TENT5D: variants seen among roughly 807,000 people sequenced by gnomAD.
The protein encoded by TENT5D is cancer/testis antigen 112.
For synonymous variants in TENT5D, 103 were observed against 100.6 expected (o/e 1.02, Z -0.15); for missense variants, 191 against 287.0 (o/e 0.67, Z 2.42).
chrX:80,386,127 T>C (rs1304016824), intron 3 of TENT5D, among the ~76,000 whole-genome samples: 1 of 112,242 alleles, frequency 8.9e-6, no homozygotes, highest in Non-Finnish European at 1.9e-5. Context: ...TGCACACATA[T>C]ATTTATTGCA....
At position 80,400,679 on chromosome X, in the gene TENT5D, T is replaced by C. The variant is rs1931374688; in HGVS notation, c.-141-37931T>C. Among the ~76,000 whole-genome samples the C allele has an allele frequency of 3.6e-5, 4 of 112,035 alleles. No individual in the cohort carries two copies. The South Asian group carries it at 1.5e-3, about 42-fold the overall frequency. ...ATAATCTTTTGTGTTTGTGATTTTC[T>C]GGATTTGATGTTAGGGATTTTTAGA... is the stretch of plus-strand genomic sequence containing the variant. On this transcript the variant is annotated intron_variant, in intron 3 of 4. Transcript: ENST00000538312.
intron 3 of TENT5D, among the ~76,000 whole-genome samples, chrX:80,386,411 T>A (rs1931009315): frequency 9.2e-6 from 1 of 108,648 alleles, no homozygotes; most frequent in Non-Finnish European, 1.9e-5. Flanking sequence ...TGTTGTGGGG[T>A]GGGAGGAGTG....
At chrX:80,393,934 C>T (rs1055146115) in intron 3 of TENT5D, among the ~76,000 whole-genome samples, 8 of 111,607 alleles carry the variant, frequency 7.2e-5, no homozygotes, top group African/African-American at 2.0e-4. Flanking sequence ...TTATATATAC[C>T]ATATTTTTTA....
intron 2 of TENT5D, among the ~76,000 whole-genome samples, chrX:80,341,466 CTATGGGTCTGATCCAAAATGGCTTTTAT>C (rs1382785625): frequency 9.0e-6 from 1 of 111,548 alleles, no homozygotes; most frequent in Non-Finnish European, 1.9e-5. Context: ...GCTGGATAGA[CTATGGGTCTGATCCAAAATGGCTTTTAT>C]TATGTTCTTG....
chrX:80,358,405 G>C (rs987415914), intron 3 of TENT5D, among the ~76,000 whole-genome samples: 18 of 111,590 alleles, frequency 1.6e-4, no homozygotes, highest in Non-Finnish European at 2.5e-4. Context: ...AAAATTTTTG[G>C]AAATGTAGAA....
At chrX:80,383,114 C>T (rs183355228) in intron 3 of TENT5D, among the ~76,000 whole-genome samples, 11 of 112,404 alleles carry the variant, frequency 9.8e-5, no homozygotes, top group East Asian at 5.6e-4. Flanking sequence ...TGTTCCTATT[C>T]GGCCATCTTG....
chrX:80,409,778 C>T (rs1235671358), intron 3 of TENT5D, among the ~76,000 whole-genome samples: 4 of 104,475 alleles, frequency 3.8e-5, no homozygotes, highest in African/African-American at 1.1e-4. Flanking sequence ...AAAAAGAGCC[C>T]GCATCGCCAA....
At chrX:80,432,004 C>T (rs1932098732) in intron 1 of TENT5D, among the ~76,000 whole-genome samples, 1 of 110,225 alleles carries the variant, frequency 9.1e-6, no homozygotes, top group Non-Finnish European at 1.9e-5. Context: ...TGAATAGATT[C>T]AGATCTTGGA....
At chrX:80,364,810 T>C (rs984644569) in intron 3 of TENT5D, among the ~76,000 whole-genome samples, 3 of 110,648 alleles carry the variant, frequency 2.7e-5, no homozygotes, top group Non-Finnish European at 3.8e-5. Flanking sequence ...ATTAGGTAAC[T>C]TTTTACTTTT....
chrX:80,436,641 T>C (rs1932189855), intron 1 of TENT5D, among the ~76,000 whole-genome samples: 1 of 111,067 alleles, frequency 9.0e-6, no homozygotes, highest in Non-Finnish European at 1.9e-5. Context: ...ACCTGCGGTG[T>C]TTGGCTTTCT....
chrX:80,396,752 C>G (rs1327326308), intron 3 of TENT5D, among the ~76,000 whole-genome samples: 1 of 101,659 alleles, frequency 9.8e-6, no homozygotes, highest in Non-Finnish European at 2.0e-5. Flanking sequence ...ACAAAACCAC[C>G]ATTGTCATCA....
chrX:80,387,598 A>C (rs919471481), intron 3 of TENT5D, among the ~76,000 whole-genome samples: 1 of 111,527 alleles, frequency 9.0e-6, no homozygotes, highest in South Asian at 3.8e-4. Flanking sequence ...CCCCGAAACA[A>C]AGTCTCTCCT....
chrX:80,355,579 A>G (rs750291757), intron 3 of TENT5D, among the ~76,000 whole-genome samples: 34 of 111,426 alleles, frequency 3.1e-4, no homozygotes, highest in African/African-American at 1.0e-3. Context: ...GGCAGCTCAA[A>G]TGTCTGTGGG....
intron 3 of TENT5D, chrX:80,342,635 A>G (rs1176497903): frequency 2.7e-5 from 3 of 112,450 alleles, no homozygotes; most frequent in African/African-American, 9.7e-5. Context: ...TTAACTTGTT[A>G]AAGACCATAC....
chrX:80,366,208 A>AGTGTGTGTGTGTGTGT (rs3087109), intron 3 of TENT5D, among the ~76,000 whole-genome samples: 22 of 98,471 alleles, frequency 2.2e-4, no homozygotes, highest in Middle Eastern at 5.1e-3. Context: ...GAAGACAGGG[A>AGTGTGTGTGTGTGTGT]GTGTGTGTGT....
intron 3 of TENT5D, among the ~76,000 whole-genome samples, chrX:80,370,736 G>GTT (rs771850053): frequency 9.1e-6 from 1 of 109,306 alleles, no homozygotes; most frequent in African/African-American, 3.3e-5. Context: ...TATCTCATTG[G>GTT]TTTTTTTTTA....
At chrX:80,439,936 G>T (rs1260576300) in intron 2 of TENT5D, among the ~76,000 whole-genome samples, 1 of 110,626 alleles carries the variant, frequency 9.0e-6, no homozygotes, top group Non-Finnish European at 1.9e-5. Flanking sequence ...AGTTAGTAAT[G>T]ATATGGAATA....
chrX:80,369,780 T>A (rs750584632), intron 3 of TENT5D, among the ~76,000 whole-genome samples: 1 of 112,319 alleles, frequency 8.9e-6, no homozygotes, highest in African/African-American at 3.2e-5. Context: ...TTGTCTTATA[T>A]GCAAGTTTGG....
chrX:80,405,542 G>A (rs1014585246), intron 3 of TENT5D, among the ~76,000 whole-genome samples: 8 of 112,310 alleles, frequency 7.1e-5, no homozygotes, highest in African/African-American at 2.3e-4. Flanking sequence ...TGCGCTTTTC[G>A]GACCGGCTTA....
Sources: gnomAD v4.1 joint callset for allele counts (sites outside exome capture counted in the v4.1 genomes callset) on GRCh38, gnomAD v4.1.1 for gene constraint, MANE v1.5 for transcripts, NCBI Gene and HGNC (gene_info 2026-07-23, HGNC 2026-07-21) for gene names.